C7: variants seen among roughly 807,000 people sequenced by gnomAD.
C7 encodes the protein complement C7.
A neutral mutation model predicts 104.8 loss-of-function variants in C7; 83 were observed. The ratio of observed to expected loss-of-function variants is 0.79; its 90% CI spans 0.66 to 0.95. The LOEUF is 0.95. Ranked by LOEUF, C7 falls within the 40% of genes least tolerant of loss-of-function variation. C7 has a pLI of 0.00. For synonymous variants in C7, 415 were observed against 360.6 expected, an observed-to-expected ratio of 1.15 and a Z score of -1.71; for missense variants, 1,070 against 1,011.2, an observed-to-expected ratio of 1.06 and a Z score of -0.79.
intron 6 of C7, among the ~76,000 whole-genome samples, chr5:40,939,447 CA>C (rs945981544): frequency 6.6e-6 from 1 of 152,108 alleles, no homozygotes; most frequent in African/African-American, 2.4e-5. Flanking sequence ...TCAAAGTCAC[CA>C]AATTAAAAAG....
intron 4 of C7, 132 bp from the exon 5 acceptor site, chr5:40,936,206 G>A (rs1739811319): frequency 2.9e-6 from 2 of 681,634 alleles, no homozygotes; most frequent in Admixed American, 2.8e-5. Flanking sequence ...GAGACACTCT[G>A]AGGATTTATC....
rs753361443 is a variant in C7 at position 40,984,295 on chromosome 5, T to C, written c.*2722T>C. Among the ~76,000 whole-genome samples, 2 of 152,112 alleles carry C rather than the reference T, an allele frequency of 1.3e-5. No individual in the cohort carries two copies. The highest frequency in any genetic ancestry group is 2.9e-5 in the Non-Finnish European group (2 of 68,032). On this transcript the variant is annotated 3_prime_UTR_variant, in exon 18 of 18. Coordinates refer to ENST00000313164, the MANE Select transcript of C7 (RefSeq NM_000587.4). ...GGGTTCTTCGTATTCAGGTAGGGTA[T>C]GGTAGGGATGTGGAGTGCCAAGCAG...
intron 1 of C7, among the ~76,000 whole-genome samples, chr5:40,918,317 A>G (rs1739360663): frequency 6.6e-6 from 1 of 151,962 alleles, no homozygotes; most frequent in African/African-American, 2.4e-5. Context: ...CTGTGATCAC[A>G]CTACCGCACT....
At chr5:40,929,777 G>T (rs553103861) in intron 2 of C7, among the ~76,000 whole-genome samples, 7 of 152,302 alleles carry the variant, frequency 4.6e-5, no homozygotes, top group Admixed American at 1.3e-4. Context: ...TTTTAGTGGA[G>T]CTGTTTAAGC....
At chr5:40,936,242 C>A in intron 4 of C7, 96 bp from the exon 5 acceptor site, 1 of 965,430 alleles carries the variant, frequency 1.0e-6, no homozygotes, top group Non-Finnish European at 1.6e-6. Flanking sequence ...CGTATCAGTG[C>A]AGTGTTACAG....
chr5:40,921,041 T>A (rs1739427332), intron 1 of C7, among the ~76,000 whole-genome samples: 1 of 128,500 alleles, frequency 7.8e-6, no homozygotes, highest in African/African-American at 3.3e-5. Context: ...AGAGCAAGAC[T>A]CTGTCTCCAA....
intron 6 of C7, among the ~76,000 whole-genome samples, chr5:40,940,140 G>A (rs1739905172): frequency 6.6e-6 from 1 of 152,138 alleles, no homozygotes; most frequent in African/African-American, 2.4e-5. Flanking sequence ...TCTTTGAGGT[G>A]GAAAGTGACT....
intron 1 of C7, among the ~76,000 whole-genome samples, chr5:40,914,554 A>G (rs541703947): frequency 1.3e-5 from 2 of 152,328 alleles, no homozygotes; most frequent in Non-Finnish European, 2.9e-5. Context: ...AATGTCCAGA[A>G]GAGTTTTCCC....
chr5:40,940,570 G>A (rs1739914448), intron 6 of C7, among the ~76,000 whole-genome samples: 1 of 152,108 alleles, frequency 6.6e-6, no homozygotes, highest in African/African-American at 2.4e-5. Flanking sequence ...AAATTCTAAA[G>A]GCAATTTTAA....
intron 6 of C7, among the ~76,000 whole-genome samples, chr5:40,942,881 C>T (rs1330455214): frequency 6.6e-6 from 1 of 151,798 alleles, no homozygotes; most frequent in Non-Finnish European, 1.5e-5. Flanking sequence ...TCTCCTGGTT[C>T]AGCCTCCCGA....
chr5:40,945,086 C>T (rs911179324), intron 6 of C7, 112 bp from the exon 7 acceptor site: 18 of 619,404 alleles, frequency 2.9e-5, no homozygotes, highest in African/African-American at 2.9e-4. Context: ...GTCACAGTTG[C>T]TTTGTGCCAA....
intron 1 of C7, among the ~76,000 whole-genome samples, 163 bp from the exon 2 acceptor site, chr5:40,928,417 G>A (rs1739604366): frequency 6.6e-6 from 1 of 152,098 alleles, no homozygotes; most frequent in South Asian, 2.1e-4. Flanking sequence ...AAATATTTTA[G>A]GTGATAGATA....
rs536748741 is a variant in C7, at chr5:40,971,828, A to G, written c.1883-575A>G. 6.3e-4 allele frequency among the ~76,000 whole-genome samples: 96 copies of G among 152,226 alleles called. 1 individual carries two copies. Among genetic ancestry groups the G allele is most frequent in the Non-Finnish European group, 1.1e-3 (73 of 68,012 alleles). ...ATGGCTTGCCGGTTTTCCCATCACC[A>G]TTTATTAAACAGGAAATCCTTTCCC... On this transcript the variant is annotated intron_variant, in intron 14 of 17. Coordinates refer to ENST00000313164, the MANE Select transcript of C7 (RefSeq NM_000587.4).
chr5:40,909,996 T>C (rs1739174053), intron 1 of C7, among the ~76,000 whole-genome samples: 1 of 149,254 alleles, frequency 6.7e-6, no homozygotes, highest in Non-Finnish European at 1.5e-5. Context: ...TTTTTTTGCT[T>C]GTTTGGATTA....
intron 14 of C7, among the ~76,000 whole-genome samples, chr5:40,965,988 C>T (rs963626464): frequency 2.0e-5 from 3 of 151,932 alleles, no homozygotes; most frequent in Non-Finnish European, 4.4e-5. Context: ...AGCTTGTTTT[C>T]ATATGTTCGT....
intron 15 of C7, among the ~76,000 whole-genome samples, chr5:40,975,366 C>CTTTTTTTTTTTTTTTTT (rs1162765793): frequency 7.0e-6 from 1 of 142,012 alleles, no homozygotes; most frequent in African/African-American, 2.6e-5. Flanking sequence ...GAGAAGTGTG[C>CTTTTTTTTTTTTTTTTT]TTTTTTTTTT....
In C7 at chr5:40,979,976, G is replaced by A. The variant is rs1047521711; in HGVS notation, c.2350+67G>A. The A allele has an allele frequency of 8.6e-6, 12 of 1,394,478 alleles. No homozygotes were observed. The African/African-American group carries it at 1.4e-4, about 17-fold the overall frequency. The allele number at this position is 1,394,478 out of a possible 1,614,324, so 86.4% of individuals were successfully genotyped here. On this transcript the variant is annotated intron_variant, in intron 17 of 17. Transcript: ENST00000313164. ...TCACAGTACTGAGGATTTAAAAAAT[G>A]TGGTTTCTAGTTTAGCAGTGGGCCG...
chr5:40,966,880 C>T (rs56095030), intron 14 of C7, among the ~76,000 whole-genome samples: 15,848 of 152,040 alleles, frequency 0.1, 1,105 homozygotes, highest in Non-Finnish European at 0.15. Context: ...CTCTCTCTTT[C>T]TCTTGGAATC....
chr5:40,932,056 C>T (rs750307049), intron 3 of C7, among the ~76,000 whole-genome samples: 7 of 152,160 alleles, frequency 4.6e-5, no homozygotes, highest in Non-Finnish European at 8.8e-5. Context: ...CTGCACCTGG[C>T]CAATTCTACC....
Sources: gnomAD v4.1 joint callset for allele counts (sites outside exome capture counted in the v4.1 genomes callset) on GRCh38, gnomAD v4.1.1 for gene constraint, MANE v1.5 for transcripts, NCBI Gene and HGNC (gene_info 2026-07-23, HGNC 2026-07-21) for gene names.